Variants in C16orf74 observed in about 807,000 individuals in gnomAD.
C16orf74 encodes the protein calcimembrin.
In C16orf74, 10 loss-of-function variants were observed where a neutral mutation model predicts 6.5. That is an observed-to-expected ratio of 1.54 (90% CI 0.95 to 2.61). The LOEUF (loss-of-function observed/expected upper bound fraction) is 2.61, where lower values mean the gene tolerates loss of function less well. C16orf74 is among the 30% of genes most tolerant of loss of function. The pLI is 0.00. For synonymous variants in C16orf74, 60 were observed against 42.5 expected (o/e 1.41, Z -1.60); for missense variants, 141 against 105.9 (o/e 1.33, Z -1.45).
chr16:85,710,029 C>A (rs2053952504), intron 3 of C16orf74, 135 bp downstream of exon 3: 2 of 696,808 alleles, frequency 2.9e-6, no homozygotes, highest in South Asian at 5.0e-5. Context: ...ACAGGTCTGA[C>A]CATAAATGTT....
intron 3 of C16orf74, 35 bp downstream of exon 3, chr16:85,710,129 C>A (rs767239587): frequency 2.9e-6 from 4 of 1,377,786 alleles, no homozygotes; most frequent in Non-Finnish European, 3.8e-6. Context: ...GCCCCCACAG[C>A]CGACCCGGCT....
In C16orf74 at chr16:85,710,189, C is replaced by A. The variant is rs2152057353; in HGVS notation, c.147G>T (p.Met49Ile). Reference sequence around the variant, plus strand: ...CTGTGCTCCCCAAGTCCCTCGGCAGCATCATGCCCGTGGGGGTGGGGGGCG... The same window carrying A: ...CTGTGCTCCCCAAGTCCCTCGGCAGAATCATGCCCGTGGGGGTGGGGGGCG... ...IITPPTPTGM[M>I]LPRDLGSTVW... Residue 49 changes from methionine (M) to isoleucine (I), a missense_variant, in exon 3 of 4, where the codon ATG (methionine) becomes ATT (isoleucine). By Grantham distance (10) the Met-to-Ile change is conservative (BLOSUM62 1). Transcript: ENST00000284245. 1 of 1,480,002 alleles carries A rather than the reference C, an allele frequency of 6.8e-7. No individual in the cohort carries two copies. Among genetic ancestry groups the A allele is most frequent in the South Asian group, 1.5e-5 (1 of 68,626 alleles). 91.7% of individuals were successfully genotyped at this position (1,480,002 alleles called of 1,614,324 possible).
intron 1 of C16orf74, among the ~76,000 whole-genome samples, chr16:85,738,473 C>T (rs1237600284): frequency 2.7e-5 from 4 of 149,884 alleles, no homozygotes; most frequent in African/African-American, 4.9e-5. Flanking sequence ...TACAGGCGTG[C>T]ACCATGACAC....
chr16:85,740,211 C>CAAAAA lies in C16orf74; in HGVS notation c.-18-4981_-18-4977dup, dbSNP rs1314457386. Among the ~76,000 whole-genome samples, 176 of 60,010 alleles carry CAAAAA rather than the reference C, an allele frequency of 2.9e-3. 5 individuals carry two copies. Among genetic ancestry groups the CAAAAA allele is most frequent in the African/African-American group, 5.2e-3 (78 of 14,866 alleles). 39.4% of individuals were successfully genotyped at this position (60,010 alleles called of 152,430 possible). A position where few individuals can be genotyped will look rare whatever the true frequency, so the allele number is the denominator to read the frequency against. On this transcript the variant is annotated intron_variant, in intron 1 of 3. Coordinates refer to ENST00000284245, the MANE Select transcript of C16orf74 (RefSeq NM_206967.3). Reference sequence around the variant, plus strand: ...GGGCGACAAGAACGAGACTTTGTCTCAAAAAAAAAAAAAAAAAAAGAAAAA... The same window carrying CAAAAA: ...GGGCGACAAGAACGAGACTTTGTCTCAAAAAAAAAAAAAAAAAAAAAAAAGAAAAA...
In C16orf74 at chr16:85,735,129, C is replaced by T. The variant is rs1431997599; in HGVS notation, c.28+61G>A. 4.7e-6 allele frequency: 7 copies of T among 1,503,580 alleles called. No individual in the cohort carries two copies. In the East Asian group the frequency reaches 7.2e-5, roughly 15 times the overall value. 93.1% of individuals were successfully genotyped at this position (1,503,580 alleles called of 1,614,324 possible). On this transcript the variant is annotated intron_variant, in intron 2 of 3. Transcript: ENST00000284245. ...AGGGCTTCAACTCCCCTCTCTCCTG[C>T]CCCCCAACCCAGCACCCCCTCTGCC...
intron 1 of C16orf74, among the ~76,000 whole-genome samples, chr16:85,747,167 G>C (rs935848084): frequency 2.0e-5 from 3 of 152,138 alleles, no homozygotes; most frequent in African/African-American, 7.2e-5. Context: ...TGAAATAATA[G>C]AGCTGAACAC....
chr16:85,714,408 ATTTAT>A (rs1567802605), intron 2 of C16orf74, among the ~76,000 whole-genome samples: 77 of 93,800 alleles, frequency 8.2e-4, no homozygotes, highest in Non-Finnish European at 1.5e-3. Flanking sequence ...TTTATTATTT[ATTTAT>A]TTATTTATTT....
chr16:85,714,983 C>T (rs988862313), intron 2 of C16orf74, among the ~76,000 whole-genome samples: 88 of 151,380 alleles, frequency 5.8e-4, no homozygotes, highest in African/African-American at 1.8e-3. Flanking sequence ...AATGAAACCC[C>T]GTCTCTACTA....
intron 2 of C16orf74, among the ~76,000 whole-genome samples, chr16:85,728,923 G>T (rs941930887): frequency 1.3e-5 from 2 of 152,216 alleles, no homozygotes; most frequent in Non-Finnish European, 2.9e-5. Context: ...CCCCCCGGAG[G>T]ATGTGTTGAA....
chr16:85,717,338 C>T (rs780892376), intron 2 of C16orf74, among the ~76,000 whole-genome samples: 4 of 152,222 alleles, frequency 2.6e-5, no homozygotes, highest in South Asian at 2.1e-4. Context: ...TCAGCCCAGG[C>T]TGATTCAAGG....
At chr16:85,736,481 G>A (rs1185103477) in intron 1 of C16orf74, among the ~76,000 whole-genome samples, 1 of 152,178 alleles carries the variant, frequency 6.6e-6, no homozygotes, top group South Asian at 2.1e-4. Flanking sequence ...GCCAGGAAGG[G>A]TTTGGAGGAG....
At chr16:85,727,229 G>A (rs2054143109) in intron 2 of C16orf74, among the ~76,000 whole-genome samples, 1 of 152,232 alleles carries the variant, frequency 6.6e-6, no homozygotes, top group Non-Finnish European at 1.5e-5. Context: ...GGGCCATATG[G>A]AGGGATTCTG....
At chr16:85,720,290 G>A (rs2054069668) in intron 2 of C16orf74, among the ~76,000 whole-genome samples, 1 of 152,176 alleles carries the variant, frequency 6.6e-6, no homozygotes, top group African/African-American at 2.4e-5. Flanking sequence ...CAAGGTGGGG[G>A]AAGGTGCCCA....
intron 1 of C16orf74, chr16:85,741,543 T>G (rs1156910332): frequency 5.9e-6 from 1 of 169,834 alleles, no homozygotes; most frequent in Non-Finnish European, 1.5e-5. Context: ...TATGGCAATT[T>G]GATGTGGGGT....
chr16:85,742,164 G>A (rs1281927405), intron 1 of C16orf74, among the ~76,000 whole-genome samples: 1 of 152,170 alleles, frequency 6.6e-6, no homozygotes, highest in Middle Eastern at 3.2e-3. Flanking sequence ...CTTGAGGTCA[G>A]GAGTTTGAGA....
intron 2 of C16orf74, among the ~76,000 whole-genome samples, chr16:85,712,694 G>T (rs1484042820): frequency 6.6e-6 from 1 of 152,226 alleles, no homozygotes; most frequent in Non-Finnish European, 1.5e-5. Context: ...TTGGAATCAG[G>T]CCACCAGCTG....
At chr16:85,711,775 C>G (rs1038450330) in intron 2 of C16orf74, among the ~76,000 whole-genome samples, 1 of 152,140 alleles carries the variant, frequency 6.6e-6, no homozygotes, top group South Asian at 2.1e-4. Context: ...AGTATCAGAG[C>G]CCCTGACCAA....
Position 85,708,024 on chromosome 16 carries a change from ATTTCTCCATCATCTGG to A in C16orf74, c.199_214del (p.Pro67SerfsTer36). 6.4e-7 allele frequency: 1 copy of A among 1,553,152 alleles called. No individual in the cohort carries two copies. The highest frequency in any genetic ancestry group is 8.7e-7 in the Non-Finnish European group (1 of 1,147,848). Reference sequence around the variant, plus strand: ...GACACCTCCTCAGGCTTCTGGGTCGATTTCTCCATCATCTGGGCACGACCCTGTCTCATCCAGCCAG... The same window carrying A: ...GACACCTCCTCAGGCTTCTGGGTCGAGCACGACCCTGTCTCATCCAGCCAG... On this transcript the variant is annotated frameshift_variant, in exon 4 of 4. Coordinates refer to ENST00000284245, the MANE Select transcript of C16orf74 (RefSeq NM_206967.3). LOFTEE classifies it high-confidence loss of function.
chr16:85,726,848 G>A (rs1213623523), intron 2 of C16orf74, among the ~76,000 whole-genome samples: 2 of 152,010 alleles, frequency 1.3e-5, no homozygotes, highest in Admixed American at 6.6e-5. Flanking sequence ...CACCATGCAC[G>A]CCAGGCTGCT....
Sources: allele counts gnomAD v4.1 joint callset (sites outside exome capture counted in the v4.1 genomes callset), GRCh38; gene constraint gnomAD v4.1.1; transcripts MANE v1.5; gene names NCBI Gene and HGNC (gene_info 2026-07-23, HGNC 2026-07-21).